The following POLE2 variants were observed in gnomAD, a reference collection of about 807,000 sequenced individuals.
The protein encoded by POLE2 is DNA polymerase epsilon 2, accessory subunit.
In POLE2, 56 loss-of-function variants were observed where a neutral mutation model predicts 79.4. The ratio of observed to expected loss-of-function variants is 0.71; its 90% CI spans 0.57 to 0.88. The LOEUF (loss-of-function observed/expected upper bound fraction) is 0.88, where lower values mean the gene tolerates loss of function less well. Ranked by LOEUF, POLE2 falls within the 40% of genes least tolerant of loss-of-function variation. The pLI is 0.00. For missense variants in POLE2, 598 were observed against 638.9 expected, an observed-to-expected ratio of 0.94 and a Z score of 0.69; for synonymous variants, 212 against 214.0, an observed-to-expected ratio of 0.99 and a Z score of 0.08.
At chr14:49,671,479 C>G (rs547095442) in intron 5 of POLE2, among the ~76,000 whole-genome samples, 13 of 151,958 alleles carry the variant, frequency 8.6e-5, no homozygotes, top group African/African-American at 3.1e-4. Flanking sequence ...TAGCCAGGCG[C>G]TTTGGCACAT....
chr14:49,656,996 C>T (rs1884728241), intron 10 of POLE2, among the ~76,000 whole-genome samples: 1 of 151,936 alleles, frequency 6.6e-6, no homozygotes, highest in African/African-American at 2.4e-5. Context: ...ACCTATAATT[C>T]CAGCTACTCG....
chr14:49,677,796 C>G, intron 3 of POLE2: 1 of 689,708 alleles, frequency 1.4e-6, no homozygotes, highest in Non-Finnish European at 2.2e-6. Flanking sequence ...TCAATGATGA[C>G]TGTGGACCTG....
rs1883758731 is a variant in POLE2 at position 49,646,302 on chromosome 14, G to GTTTTTTTTGT, written c.1565+990_1565+991insACAAAAAAAA. Among the ~76,000 whole-genome samples, 96 of 84,576 alleles carry GTTTTTTTTGT rather than the reference G, an allele frequency of 1.1e-3. 4 individuals are homozygous for GTTTTTTTTGT. Among genetic ancestry groups the GTTTTTTTTGT allele is most frequent in the Non-Finnish European group, 1.3e-3 (62 of 48,298 alleles). The allele number at this position is 84,576 out of a possible 152,430, so 55.5% of individuals were successfully genotyped here. On this transcript the variant is annotated intron_variant, in intron 18 of 18. Coordinates refer to ENST00000216367, the MANE Select transcript of POLE2 (RefSeq NM_002692.4). The stretch of plus-strand genomic sequence containing the variant: ...GATTTGGTCAGTTGTTTTTTTGTTG[G>GTTTTTTTTGT]TTTTTTTTTTTTTTTTTTTTTTTTT...
intron 17 of POLE2, among the ~76,000 whole-genome samples, chr14:49,647,946 G>A (rs994264200): frequency 2.6e-5 from 4 of 152,164 alleles, no homozygotes; most frequent in Non-Finnish European, 5.9e-5. Context: ...AATGCTAAAA[G>A]ATGAGGTTGG....
At chr14:49,658,599 T>C (rs1884881533) in intron 10 of POLE2, among the ~76,000 whole-genome samples, 1 of 152,190 alleles carries the variant, frequency 6.6e-6, no homozygotes, top group Non-Finnish European at 1.5e-5. Context: ...ATGCACGGCA[T>C]AAAAACGTTT....
At chr14:49,685,789 G>GT (rs553198026) in intron 1 of POLE2, among the ~76,000 whole-genome samples, 308 of 144,166 alleles carry the variant, frequency 2.1e-3, no homozygotes, top group East Asian at 7.2e-3. Flanking sequence ...TGGCTGGTTG[G>GT]TTTTTTTTTT....
chr14:49,647,034 A>G (rs1439407575), intron 18 of POLE2: 2 of 298,292 alleles, frequency 6.7e-6, no homozygotes, highest in Non-Finnish European at 1.2e-5. Flanking sequence ...TTGGCCTGTA[A>G]GAGAACTAGC....
At chr14:49,685,279 A>T (rs1025070594) in intron 1 of POLE2, among the ~76,000 whole-genome samples, 1 of 152,200 alleles carries the variant, frequency 6.6e-6, no homozygotes, top group Non-Finnish European at 1.5e-5. Flanking sequence ...TGCATCTCTC[A>T]AATTTATTAT....
chr14:49,685,657 T>C (rs115761016), intron 1 of POLE2, among the ~76,000 whole-genome samples: 309 of 152,174 alleles, frequency 2.0e-3, no homozygotes, highest in African/African-American at 6.9e-3. Flanking sequence ...CTCGCTCTCT[T>C]ACCCAGGCTG....
At chr14:49,666,450 T>C (rs761223430) in intron 6 of POLE2, 37 bp from the exon 7 acceptor site, 2 of 917,272 alleles carry the variant, frequency 2.2e-6, no homozygotes, top group South Asian at 2.0e-5. Flanking sequence ...AGACTGTAAA[T>C]ATATTCTTTC....
chr14:49,667,884 T>C (rs1424170750), intron 6 of POLE2, among the ~76,000 whole-genome samples: 1 of 152,256 alleles, frequency 6.6e-6, no homozygotes, highest in East Asian at 1.9e-4. Flanking sequence ...AGAAAAAAAT[T>C]TAAAATATAG....
chr14:49,669,082 C>T (rs926627781), intron 6 of POLE2, among the ~76,000 whole-genome samples: 1 of 152,182 alleles, frequency 6.6e-6, no homozygotes, highest in Non-Finnish European at 1.5e-5. Context: ...TAAGTTTTCA[C>T]TTCAACCAAT....
intron 1 of POLE2, among the ~76,000 whole-genome samples, chr14:49,686,943 TACAG>T (rs138912752): frequency 1.3e-5 from 2 of 152,138 alleles, no homozygotes; most frequent in African/African-American, 4.8e-5. Flanking sequence ...TAAAAACTGA[TACAG>T]AGAGGTATAT....
intron 2 of POLE2, among the ~76,000 whole-genome samples, chr14:49,682,718 T>C (rs1269339733): frequency 6.6e-6 from 1 of 151,250 alleles, no homozygotes; most frequent in Non-Finnish European, 1.5e-5. Flanking sequence ...CTCTGTTTAG[T>C]GTATTCATTA....
chr14:49,646,302 GT>G (rs1162033821), intron 18 of POLE2, among the ~76,000 whole-genome samples: 1,754 of 84,618 alleles, frequency 0.021, 168 homozygotes, highest in African/African-American at 0.081. Context: ...TTTTTTGTTG[GT>G]TTTTTTTTTT....
chr14:49,674,904 A>T (rs1886154733), intron 3 of POLE2, among the ~76,000 whole-genome samples: 1 of 152,048 alleles, frequency 6.6e-6, no homozygotes, highest in Non-Finnish European at 1.5e-5. Context: ...ATGGGTGTAA[A>T]ATGTTTAGCT....
At chr14:49,677,674 C>A in intron 3 of POLE2, 2 of 942,248 alleles carry the variant, frequency 2.1e-6, no homozygotes, top group Admixed American at 2.4e-5. Flanking sequence ...TTGGGGAAGG[C>A]CCTTACGAAA....
intron 18 of POLE2, among the ~76,000 whole-genome samples, chr14:49,645,302 A>G (rs529808176): frequency 1.3e-5 from 2 of 152,320 alleles, no homozygotes; most frequent in Admixed American, 1.3e-4. Context: ...CTTGAAAGTC[A>G]TGTTTAAACA....
At chr14:49,662,216 G>C (rs1289908538) in intron 10 of POLE2, among the ~76,000 whole-genome samples, 1 of 152,162 alleles carries the variant, frequency 6.6e-6, no homozygotes, top group Non-Finnish European at 1.5e-5. Context: ...TAGATGCTCT[G>C]CACAGGCCGC....
Sources: allele counts gnomAD v4.1 joint callset (sites outside exome capture counted in the v4.1 genomes callset), GRCh38; gene constraint gnomAD v4.1.1; transcripts MANE v1.5; gene names NCBI Gene and HGNC (gene_info 2026-07-23, HGNC 2026-07-21).